The following SLC35F1 variants were observed in gnomAD, a reference collection of about 807,000 sequenced individuals.
SLC35F1 encodes the protein solute carrier family 35 member F1, also known as chromosome 6 open reading frame 169.
A neutral mutation model predicts 48.7 loss-of-function variants in SLC35F1; 14 were observed. The ratio of observed to expected loss-of-function variants is 0.29; its 90% confidence interval spans 0.19 to 0.45. The LOEUF (loss-of-function observed/expected upper bound fraction) is 0.45, where lower values mean the gene tolerates loss of function less well. SLC35F1 is among the 20% of genes least tolerant of loss of function. The pLI, the probability that SLC35F1 is intolerant of heterozygous loss-of-function variation, is 1.00. For missense variants in SLC35F1, 404 were observed against 500.0 expected (o/e 0.81, Z 1.83); for synonymous variants, 190 against 202.2 (o/e 0.94, Z 0.51).
intron 1 of SLC35F1, among the ~76,000 whole-genome samples, chr6:117,913,642 A>G (rs531029131): frequency 6.6e-6 from 1 of 152,260 alleles, no homozygotes; most frequent in African/African-American, 2.4e-5. Flanking sequence ...AAAGAAAACA[A>G]TAACAATAAA....
At chr6:117,950,983 AAAAT>A (rs1776356559) in intron 1 of SLC35F1, among the ~76,000 whole-genome samples, 2 of 152,354 alleles carry the variant, frequency 1.3e-5, no homozygotes, top group Non-Finnish European at 2.9e-5. Context: ...TGTCTAAACT[AAAAT>A]AAAATCACAG....
At chr6:118,039,799 G>GTTTTTTTTTTTTTTTTTT (rs149879230) in intron 1 of SLC35F1, among the ~76,000 whole-genome samples, 1 of 106,852 alleles carries the variant, frequency 9.4e-6, no homozygotes, top group Non-Finnish European at 2.0e-5. Flanking sequence ...TCTCAGGATT[G>GTTTTTTTTTTTTTTTTTT]TTTTTTTTGT....
At chr6:118,050,997 T>C (rs1247450522) in intron 1 of SLC35F1, among the ~76,000 whole-genome samples, 1 of 152,134 alleles carries the variant, frequency 6.6e-6, no homozygotes, top group Non-Finnish European at 1.5e-5. Flanking sequence ...GATGAGGACA[T>C]TGACATCCCC....
At chr6:118,002,277 A>C (rs925450098) in intron 1 of SLC35F1, among the ~76,000 whole-genome samples, 4 of 152,226 alleles carry the variant, frequency 2.6e-5, no homozygotes, top group African/African-American at 9.6e-5. Flanking sequence ...AGCCATAAAA[A>C]ATGAAGAGTT....
At chr6:118,094,084 TGCTTTTAAGGTG>T (rs1773114974) in intron 1 of SLC35F1, among the ~76,000 whole-genome samples, 3 of 152,220 alleles carry the variant, frequency 2.0e-5, no homozygotes, top group Admixed American at 2.0e-4. Context: ...ATCCCAGTTT[TGCTTTTAAGGTG>T]GCAGTTACAG....
intron 5 of SLC35F1, among the ~76,000 whole-genome samples, chr6:118,276,317 A>G (rs1775917586): frequency 6.6e-6 from 1 of 152,238 alleles, no homozygotes; most frequent in African/African-American, 2.4e-5. Flanking sequence ...ATGAAGAATG[A>G]TAGTATAACC....
intron 1 of SLC35F1, among the ~76,000 whole-genome samples, chr6:118,066,960 T>C (rs374323031): frequency 2.0e-5 from 3 of 152,138 alleles, no homozygotes; most frequent in East Asian, 3.9e-4. Context: ...CAGGAATTTT[T>C]ACAAGCACCA....
At chr6:118,131,813 A>G (rs1007609911) in intron 1 of SLC35F1, among the ~76,000 whole-genome samples, 1 of 151,718 alleles carries the variant, frequency 6.6e-6, no homozygotes, top group Non-Finnish European at 1.5e-5. Context: ...ATTCATGTGC[A>G]AATACATAAG....
chr6:118,008,871 G>T (rs1194148611), intron 1 of SLC35F1, among the ~76,000 whole-genome samples: 2 of 152,086 alleles, frequency 1.3e-5, no homozygotes, highest in African/African-American at 2.4e-5. Context: ...CTTTCCCTCA[G>T]AATATGGCTC....
chr6:118,244,304 G>A (rs968637351), intron 3 of SLC35F1, among the ~76,000 whole-genome samples: 1 of 152,240 alleles, frequency 6.6e-6, no homozygotes, highest in Non-Finnish European at 1.5e-5. Flanking sequence ...GAATTCAAGG[G>A]CAAGCCAGAG....
chr6:118,119,494 G>GCCCCCC (rs369126799), intron 1 of SLC35F1, among the ~76,000 whole-genome samples: 71 of 52,190 alleles, frequency 1.4e-3, no homozygotes, highest in Non-Finnish European at 2.1e-3. Context: ...AATAACCGGC[G>GCCCCCC]CCCCCCCTCC....
intron 3 of SLC35F1, among the ~76,000 whole-genome samples, chr6:118,255,974 A>G (rs1285112412): frequency 6.6e-6 from 1 of 152,106 alleles, no homozygotes; most frequent in African/African-American, 2.4e-5. Flanking sequence ...AGGAAAAAAA[A>G]TCTCAGGGAG....
Position 118,297,662 on chromosome 6 carries a change from A to AT in SLC35F1, c.1002+12324_1002+12325insT, listed in dbSNP as rs1450965614. ...TAAAAAATATATATATAATATATAT[A>AT]ATATTATATAAGTTCTGAGAAATAT... On this transcript the variant is annotated intron_variant, in intron 7 of 7. Coordinates refer to ENST00000360388, the MANE Select transcript of SLC35F1 (RefSeq NM_001029858.4). 3.9e-3 allele frequency among the ~76,000 whole-genome samples: 545 copies of AT among 139,688 alleles called. 5 individuals are homozygous for AT. The highest frequency in any genetic ancestry group is 5.7e-3 in the South Asian group (26 of 4,574). The allele number at this position is 139,688 out of a possible 152,430, so 91.6% of individuals were successfully genotyped here. A position where few individuals can be genotyped will look rare whatever the true frequency, so the allele number is the denominator to read the frequency against.
At chr6:118,076,434 G>T (rs1487212094) in intron 1 of SLC35F1, among the ~76,000 whole-genome samples, 1 of 152,122 alleles carries the variant, frequency 6.6e-6, no homozygotes, top group African/African-American at 2.4e-5. Flanking sequence ...TCTACAGGCC[G>T]TACAGGAGGC....
chr6:118,056,692 A>G (rs80088771), intron 1 of SLC35F1, among the ~76,000 whole-genome samples: 2 of 152,336 alleles, frequency 1.3e-5, no homozygotes, highest in African/African-American at 2.4e-5. Flanking sequence ...GGTGAACCCA[A>G]GAATAGTGTG....
intron 1 of SLC35F1, among the ~76,000 whole-genome samples, chr6:118,085,101 A>C (rs1772967559): frequency 6.6e-6 from 1 of 151,560 alleles, no homozygotes; most frequent in African/African-American, 2.4e-5. Flanking sequence ...TATGTTCCTT[A>C]CTGCCATCAC....
intron 2 of SLC35F1, among the ~76,000 whole-genome samples, chr6:118,196,596 A>T (rs980756244): frequency 2.6e-5 from 4 of 151,930 alleles, no homozygotes; most frequent in South Asian, 2.1e-4. Flanking sequence ...GACACCTATA[A>T]TCCTAGCTGC....
At chr6:117,916,504 C>G (rs1408827240) in intron 1 of SLC35F1, among the ~76,000 whole-genome samples, 1 of 152,068 alleles carries the variant, frequency 6.6e-6, no homozygotes, top group Admixed American at 6.6e-5. Flanking sequence ...AGTCATGACC[C>G]TGAAAATCTG....
rs200852408 is a variant in SLC35F1, at chr6:118,314,281, A to G, written c.*29A>G. 62 of 1,595,768 alleles carry G rather than the reference A, an allele frequency of 3.9e-5. No homozygotes were observed. In the East Asian group the frequency reaches 1.4e-3, roughly 35 times the overall value. The stretch of plus-strand genomic sequence containing the variant: ...GAGGCCCGCCCTGCCAACTGAGGCC[A>G]ACTCATTGGCCATGTTTTTGCCCAT... On this transcript the variant is annotated 3_prime_UTR_variant, in exon 8 of 8. Transcript: ENST00000360388.
Sources: gnomAD v4.1 joint callset for allele counts (sites outside exome capture counted in the v4.1 genomes callset) on GRCh38, gnomAD v4.1.1 for gene constraint, MANE v1.5 for transcripts, NCBI Gene and HGNC (gene_info 2026-07-23, HGNC 2026-07-21) for gene names.